ZNF804B: variants seen among roughly 807,000 people sequenced by gnomAD.
ZNF804B encodes zinc finger protein 804B.
Under a neutral mutation model 101.4 loss-of-function variants are expected in ZNF804B, and 80 were observed. The ratio of observed to expected loss-of-function variants is 0.79; its 90% CI spans 0.66 to 0.95. The LOEUF (loss-of-function observed/expected upper bound fraction) is 0.95. Ranked by LOEUF, ZNF804B falls within the 40% of genes least tolerant of loss-of-function variation. The probability of loss-of-function intolerance (pLI) is 0.00; values close to 1 mark genes in which losing one functional copy is unlikely to be tolerated. For synonymous variants in ZNF804B, 622 were observed against 558.8 expected (o/e 1.11, Z -1.59); for missense variants, 1,673 against 1,561.9 (o/e 1.07, Z -1.20).
At chr7:89,164,394 G>T (rs1791111468) in intron 1 of ZNF804B, among the ~76,000 whole-genome samples, 1 of 152,002 alleles carries the variant, frequency 6.6e-6, no homozygotes, top group African/African-American at 2.4e-5. Flanking sequence ...AAACTGGGGG[G>T]AAAGTCAGTA....
chr7:89,261,518 C>T (rs1338707515), intron 2 of ZNF804B, among the ~76,000 whole-genome samples: 1 of 152,102 alleles, frequency 6.6e-6, no homozygotes, highest in African/African-American at 2.4e-5. Flanking sequence ...GTCAATAGTA[C>T]ACATACAGTC....
At chr7:89,199,041 C>T (rs76248736) in intron 1 of ZNF804B, among the ~76,000 whole-genome samples, 11,345 of 151,912 alleles carry the variant, frequency 0.075, 592 homozygotes, top group Non-Finnish European at 0.11. Flanking sequence ...GAGGCTTCTG[C>T]TTGCACAGGA....
chr7:89,180,430 C>T (rs79206136), intron 1 of ZNF804B, among the ~76,000 whole-genome samples: 4,954 of 152,110 alleles, frequency 0.033, 153 homozygotes, highest in South Asian at 0.081. Context: ...GCCCCATGTT[C>T]ACGCCCACCC....
rs755679244 is a variant in ZNF804B at position 89,335,488 on chromosome 7, T to C, written c.2506T>C (p.Cys836Arg). Residue 836 changes from cysteine to arginine, a missense_variant, in exon 4 of 4, where the codon TGT (cysteine) becomes CGT (arginine). Coordinates refer to ENST00000333190, the MANE Select transcript of ZNF804B (RefSeq NM_181646.5). ...IYCDSNSQIS[C>R]TGSSKKPPNC... ...TTGTGATTCTAACTCACAGATTTCC[T>C]GTACTGGAAGCAGTAAAAAACCACC... 6.8e-6 allele frequency: 11 copies of C among 1,614,016 alleles called. No individual in the cohort carries two copies. The highest frequency in any genetic ancestry group is 6.7e-5 in the Admixed American group (4 of 59,954).
At chr7:88,913,690 C>A (rs1413160015) in intron 1 of ZNF804B, among the ~76,000 whole-genome samples, 2 of 152,224 alleles carry the variant, frequency 1.3e-5, no homozygotes, top group East Asian at 3.8e-4. Context: ...GCCACCACGA[C>A]TGGCCAGAAT....
rs75630123 is a variant in ZNF804B at position 89,226,308 on chromosome 7, A to G, written c.249+8013A>G. Reference sequence around the variant, plus strand: ...AGATGAATTTCAAATATTTATGTATAAGGATATTTAAACTAGAAAAATACT... The same window carrying G: ...AGATGAATTTCAAATATTTATGTATGAGGATATTTAAACTAGAAAAATACT... On this transcript the variant is annotated intron_variant, in intron 2 of 3. Transcript: ENST00000333190. Among the ~76,000 whole-genome samples, 1,009 of 152,238 alleles carry G rather than the reference A, an allele frequency of 6.6e-3. 10 individuals are homozygous for G. The highest frequency in any genetic ancestry group is 0.023 in the African/African-American group (966 of 41,564).
intron 1 of ZNF804B, among the ~76,000 whole-genome samples, chr7:88,924,226 G>T (rs1275272539): frequency 3.3e-5 from 5 of 151,948 alleles, no homozygotes; most frequent in Admixed American, 1.3e-4. Context: ...TGCTGTTAAT[G>T]ATTTTATTTT....
At chr7:89,269,703 C>T (rs985860519) in intron 2 of ZNF804B, among the ~76,000 whole-genome samples, 4 of 152,126 alleles carry the variant, frequency 2.6e-5, no homozygotes, top group Admixed American at 6.5e-5. Flanking sequence ...GTTCCTATTT[C>T]TCCACATCCT....
intron 1 of ZNF804B, among the ~76,000 whole-genome samples, chr7:89,015,368 G>A (rs921474452): frequency 1.3e-5 from 2 of 149,668 alleles, no homozygotes; most frequent in African/African-American, 4.9e-5. Context: ...AAGATTTTAG[G>A]GTACATGGGC....
chr7:89,100,051 T>C (rs1167913842), intron 1 of ZNF804B, among the ~76,000 whole-genome samples: 1 of 152,130 alleles, frequency 6.6e-6, no homozygotes, highest in Admixed American at 6.5e-5. Context: ...ATTAAATGAG[T>C]GTTTCAAACA....
At chr7:88,890,257 T>C (rs1792195884) in intron 1 of ZNF804B, among the ~76,000 whole-genome samples, 1 of 152,160 alleles carries the variant, frequency 6.6e-6, no homozygotes, top group Admixed American at 6.5e-5. Flanking sequence ...AATTTTAACT[T>C]TGAATTTTAA....
chr7:88,903,037 C>T (rs1411996362), intron 1 of ZNF804B, among the ~76,000 whole-genome samples: 1 of 151,974 alleles, frequency 6.6e-6, no homozygotes, highest in Non-Finnish European at 1.5e-5. Context: ...GGTATGGATC[C>T]TGTCAAACAA....
At chr7:88,916,992 C>T (rs11761880) in intron 1 of ZNF804B, among the ~76,000 whole-genome samples, 28,913 of 151,846 alleles carry the variant, frequency 0.19, 2,992 homozygotes, top group African/African-American at 0.29. Flanking sequence ...GGGCTGGGTG[C>T]GGTGGCTCAC....
chr7:88,844,254 T>C (rs926988549), intron 1 of ZNF804B, among the ~76,000 whole-genome samples: 3 of 152,244 alleles, frequency 2.0e-5, no homozygotes, highest in African/African-American at 7.2e-5. Flanking sequence ...TCTAATATCT[T>C]TTGCATTTTT....
At chr7:88,822,100 A>G (rs1790991065) in intron 1 of ZNF804B, among the ~76,000 whole-genome samples, 1 of 152,158 alleles carries the variant, frequency 6.6e-6, no homozygotes, top group African/African-American at 2.4e-5. Flanking sequence ...CTGTAAGACC[A>G]ACTAATTATA....
intron 2 of ZNF804B, among the ~76,000 whole-genome samples, chr7:89,324,607 C>CTTTTTTTTTTTTT (rs35905388): frequency 6.4e-5 from 7 of 109,560 alleles, no homozygotes; most frequent in Non-Finnish European, 5.7e-5. Context: ...TACCTTCTTA[C>CTTTTTTTTTTTTT]TTTTTTTTTT....
chr7:89,049,535 T>C (rs1789162939), intron 1 of ZNF804B, among the ~76,000 whole-genome samples: 1 of 152,152 alleles, frequency 6.6e-6, no homozygotes, highest in African/African-American at 2.4e-5. Context: ...AAGATCTTAT[T>C]GTTAAACATT....
At chr7:89,061,067 A>G (rs1397667502) in intron 1 of ZNF804B, among the ~76,000 whole-genome samples, 1 of 152,082 alleles carries the variant, frequency 6.6e-6, no homozygotes, top group Non-Finnish European at 1.5e-5. Flanking sequence ...TTCACTTTTT[A>G]ACTTTTTTAT....
chr7:88,794,870 C>A, intron 1 of ZNF804B: 1 of 1,612,058 alleles, frequency 6.2e-7, no homozygotes, highest in Non-Finnish European at 8.5e-7. Flanking sequence ...CTACGTGGGA[C>A]TTGGAGAAAA....
Sources: gnomAD v4.1 joint callset for allele counts (sites outside exome capture counted in the v4.1 genomes callset) on GRCh38, gnomAD v4.1.1 for gene constraint, MANE v1.5 for transcripts, NCBI Gene and HGNC (gene_info 2026-07-23, HGNC 2026-07-21) for gene names.